Variants in CMKLR1 observed in about 807,000 individuals in gnomAD.
CMKLR1 encodes the protein chemerin chemokine-like receptor 1.
CMKLR1 carries 6 observed loss-of-function variants against 8.2 expected under a neutral mutation model. The ratio of observed to expected loss-of-function variants is 0.73; its 90% CI spans 0.40 to 1.44. CMKLR1 has a LOEUF of 1.44. Among genes scored for constraint, CMKLR1 ranks in the 40% most tolerant of loss-of-function variants. CMKLR1 has a pLI of 0.02. For synonymous variants in CMKLR1, 178 were observed against 181.2 expected (o/e 0.98, Z 0.14); for missense variants, 429 against 478.0 (o/e 0.90, Z 0.96).
chr12:108,309,204 G>A (rs7976712), intron 2 of CMKLR1, among the ~76,000 whole-genome samples: 101,785 of 152,122 alleles, frequency 0.67, 34,272 homozygotes, highest in South Asian at 0.75. Flanking sequence ...CTATGTAAAT[G>A]CTGAAAAAAT....
intron 1 of CMKLR1, among the ~76,000 whole-genome samples, chr12:108,333,903 G>A (rs1378979822): frequency 6.6e-6 from 1 of 152,226 alleles, no homozygotes; most frequent in Non-Finnish European, 1.5e-5. Flanking sequence ...AACTGGTTTC[G>A]TGCTATCGCC....
chr12:108,292,615 GT>G lies in CMKLR1; in HGVS notation c.347del (p.Asn116ThrfsTer15), dbSNP rs748657087. On this transcript the variant is annotated frameshift_variant, in exon 4 of 4. Coordinates refer to ENST00000550402, the MANE Select transcript of CMKLR1 (RefSeq NM_001142343.2). LOFTEE classifies it low-confidence loss of function (END_TRUNC). Reference sequence around the variant, plus strand: ...TGAACATGTTGTGGATGAGAAGGAAGTTGCTGATCTTGCACATGGCTGTCCC... The same window carrying G: ...TGAACATGTTGTGGATGAGAAGGAAGTGCTGATCTTGCACATGGCTGTCCC... Reference protein sequence around the residue: ...VFGTAMCKISNFLLIHNMFTS... With the variant: ...VFGTAMCKISXFLLIHNMFTS... 3 of 1,614,192 alleles carry G rather than the reference GT, an allele frequency of 1.9e-6. No homozygotes were observed. The South Asian group carries it at 3.3e-5, about 18-fold the overall frequency.
intron 2 of CMKLR1, 88 bp from the exon 3 acceptor site, chr12:108,293,752 CT>C (rs1891056460): frequency 1.4e-6 from 1 of 707,550 alleles, no homozygotes; most frequent in African/African-American, 1.8e-5. Flanking sequence ...GAAATAAGAT[CT>C]GTTGTTCTTA....
At chr12:108,310,163 CTGTGTGTGTGTGTG>C (rs35140046) in intron 2 of CMKLR1, among the ~76,000 whole-genome samples, 37 of 142,508 alleles carry the variant, frequency 2.6e-4, no homozygotes, top group Non-Finnish European at 1.4e-4. Context: ...TGGTTAGGGG[CTGTGTGTGTGTGTG>C]TGTGTGTGTG....
At chr12:108,319,073 G>A (rs2137328473) in intron 2 of CMKLR1, among the ~76,000 whole-genome samples, 1 of 152,088 alleles carries the variant, frequency 6.6e-6, no homozygotes, top group East Asian at 1.9e-4. Flanking sequence ...CTCCCCTAGG[G>A]CCCCAAGGTG....
chr12:108,301,726 T>C (rs1341085926), intron 2 of CMKLR1, among the ~76,000 whole-genome samples: 1 of 152,340 alleles, frequency 6.6e-6, no homozygotes, highest in East Asian at 1.9e-4. Context: ...ACGAGGAGAC[T>C]GAGGCTTTGG....
chr12:108,292,729 G>A lies in CMKLR1; in HGVS notation c.234C>T (p.Phe78=). The A allele has an allele frequency of 6.2e-7, 1 of 1,614,162 alleles. No individual in the cohort carries two copies. Among genetic ancestry groups the A allele is most frequent in the East Asian group, 2.2e-5 (1 of 44,882 alleles). The part of the protein sequence containing the change: ...KMKKTVNMVW[F]LNLAVADFLF... ...GGAAATCTGCCACTGCCAGGTTGAG[G>A]AACCAGACCATGTTCACTGTCTTCT... is the stretch of plus-strand genomic sequence containing the variant. The change falls in exon 4 of 4, where the codon TTC becomes TTT. Residue 78 remains phenylalanine, a synonymous_variant. Coordinates refer to ENST00000550402, the MANE Select transcript of CMKLR1 (RefSeq NM_001142343.2).
chr12:108,296,157 C>T (rs992719176), intron 2 of CMKLR1, among the ~76,000 whole-genome samples: 8 of 152,158 alleles, frequency 5.3e-5, no homozygotes, highest in Non-Finnish European at 7.4e-5. Context: ...CCAAACCAAG[C>T]GGAAGAGCAG....
At chr12:108,330,578 C>A (rs188663591) in intron 1 of CMKLR1, among the ~76,000 whole-genome samples, 49 of 152,312 alleles carry the variant, frequency 3.2e-4, no homozygotes, top group African/African-American at 1.2e-3. Context: ...CAATTCAATG[C>A]CAATTCGTGA....
At chr12:108,337,964 T>A (rs1892268448) in intron 1 of CMKLR1, among the ~76,000 whole-genome samples, 1 of 149,690 alleles carries the variant, frequency 6.7e-6, no homozygotes. Flanking sequence ...GAGAAGGAGG[T>A]AGGGGATGCA....
chr12:108,301,441 C>G (rs1891269466), intron 2 of CMKLR1, among the ~76,000 whole-genome samples: 1 of 152,098 alleles, frequency 6.6e-6, no homozygotes, highest in African/African-American at 2.4e-5. Flanking sequence ...CCCCAGGCCT[C>G]TCCCTCTGCT....
At chr12:108,293,967 C>T (rs964667385) in intron 2 of CMKLR1, among the ~76,000 whole-genome samples, 1 of 152,140 alleles carries the variant, frequency 6.6e-6, no homozygotes, top group African/African-American at 2.4e-5. Context: ...AAGGAAGACA[C>T]AGAGGAGGTA....
intron 2 of CMKLR1, among the ~76,000 whole-genome samples, chr12:108,328,106 A>G (rs1892023557): frequency 6.6e-6 from 1 of 151,722 alleles, no homozygotes; most frequent in African/African-American, 2.4e-5. Flanking sequence ...GGTGAGAGGG[A>G]AAAACAGTAA....
At chr12:108,313,804 T>G (rs569820846) in intron 2 of CMKLR1, among the ~76,000 whole-genome samples, 1 of 152,324 alleles carries the variant, frequency 6.6e-6, no homozygotes, top group East Asian at 1.9e-4. Context: ...CTAGAAAGAC[T>G]TGTCAAGTCA....
intron 1 of CMKLR1, 65 bp downstream of exon 1, chr12:108,338,962 G>A (rs2137353066): frequency 6.6e-6 from 1 of 152,278 alleles, no homozygotes; most frequent in South Asian, 2.1e-4. Context: ...TTTTCTCTCT[G>A]TTAGTATTCA....
intron 2 of CMKLR1, among the ~76,000 whole-genome samples, chr12:108,298,923 G>C (rs1230827461): frequency 6.6e-6 from 1 of 152,250 alleles, no homozygotes; most frequent in African/African-American, 2.4e-5. Flanking sequence ...CTCCAGAAGG[G>C]AATGCCAGGG....
intron 2 of CMKLR1, among the ~76,000 whole-genome samples, chr12:108,314,094 G>A (rs1431075614): frequency 6.6e-6 from 1 of 152,146 alleles, no homozygotes; most frequent in African/African-American, 2.4e-5. Flanking sequence ...TTTTATTTTT[G>A]TTCACTTAAT....
At chr12:108,323,949 G>C (rs78100980) in intron 2 of CMKLR1, among the ~76,000 whole-genome samples, 1,885 of 152,302 alleles carry the variant, frequency 0.012, 39 homozygotes, top group African/African-American at 0.042. Context: ...AAGAGGCACA[G>C]AGGACTACTT....
chr12:108,332,060 A>G (rs11113824), intron 1 of CMKLR1, among the ~76,000 whole-genome samples: 37,949 of 152,168 alleles, frequency 0.25, 6,155 homozygotes, highest in East Asian at 0.69. Flanking sequence ...GTTCAAACCA[A>G]TTCAGGTAAC....
Sources: allele counts gnomAD v4.1 joint callset (sites outside exome capture counted in the v4.1 genomes callset), GRCh38; gene constraint gnomAD v4.1.1; transcripts MANE v1.5; gene names NCBI Gene and HGNC (gene_info 2026-07-23, HGNC 2026-07-21).